The following NCAM2 variants were observed in gnomAD, a reference collection of about 807,000 sequenced individuals.
NCAM2 encodes the protein neural cell adhesion molecule 2.
Under a neutral mutation model 98.1 loss-of-function variants are expected in NCAM2, and 30 were observed. The ratio of observed to expected loss-of-function variants is 0.31; its 90% CI spans 0.23 to 0.41. The LOEUF (loss-of-function observed/expected upper bound fraction) is 0.41, where lower values mean the gene tolerates loss of function less well. Ranked by LOEUF, NCAM2 falls within the 10% of genes least tolerant of loss-of-function variation. NCAM2 has a pLI of 1.00. For missense variants in NCAM2, 867 were observed against 1,005.8 expected (o/e 0.86, Z 1.87); for synonymous variants, 368 against 342.4 (o/e 1.07, Z -0.83).
intron 1 of NCAM2, among the ~76,000 whole-genome samples, chr21:21,252,211 C>T (rs931299028): frequency 2.6e-5 from 4 of 151,770 alleles, no homozygotes; most frequent in Admixed American, 6.6e-5. Context: ...TAGATGCTGG[C>T]GAGGCTGTGG....
rs182600215 is a variant in NCAM2 at position 21,436,539 on chromosome 21, C to A, written c.1654+4258C>A. Among the ~76,000 whole-genome samples, 4 of 151,944 alleles carry A rather than the reference C, an allele frequency of 2.6e-5. No homozygotes were observed. The East Asian group carries it at 7.7e-4, about 29-fold the overall frequency. ...ATGGTACTTCTCTTACATTATAACT[C>A]TGAAGGATTTTTTCTCCTAGTTTAT... is the stretch of plus-strand genomic sequence containing the variant. On this transcript the variant is annotated intron_variant, in intron 12 of 17. Coordinates refer to ENST00000400546, the MANE Select transcript of NCAM2 (RefSeq NM_004540.5).
chr21:21,277,766 TGCA>T (rs1328633756), intron 1 of NCAM2, among the ~76,000 whole-genome samples: 1 of 152,058 alleles, frequency 6.6e-6, no homozygotes, highest in African/African-American at 2.4e-5. Flanking sequence ...AATATATGCA[TGCA>T]GTAGTCTGAC....
intron 1 of NCAM2, among the ~76,000 whole-genome samples, chr21:21,090,175 G>A (rs913729291): frequency 4.6e-5 from 7 of 152,106 alleles, no homozygotes; most frequent in African/African-American, 1.7e-4. Flanking sequence ...TCCTAGTAAT[G>A]TGTGTGCACA....
At chr21:21,429,737 A>G (rs2077288712) in intron 11 of NCAM2, among the ~76,000 whole-genome samples, 2 of 152,226 alleles carry the variant, frequency 1.3e-5, no homozygotes, top group South Asian at 4.1e-4. Context: ...TGATTTTAAT[A>G]GTTCTAAGAC....
chr21:21,530,596 T>C (rs1284301125), intron 16 of NCAM2, among the ~76,000 whole-genome samples: 1 of 151,380 alleles, frequency 6.6e-6, no homozygotes, highest in Non-Finnish European at 1.5e-5. Flanking sequence ...ACTACATATA[T>C]ACATATATAA....
chr21:21,410,390 A>G lies in NCAM2; in HGVS notation c.1312A>G (p.Lys438Glu), dbSNP rs752497299. 1.2e-5 allele frequency: 20 copies of G among 1,601,958 alleles called. No homozygotes were observed. In the East Asian group the frequency reaches 4.3e-4, roughly 34 times the overall value. ...PPASIHWRRD[K>E]LVLPAKNTTN... is the part of the protein sequence containing the mutation. ...AGCATCAATTCACTGGAGAAGAGAT[A>G]AATTAGTCTTACCTGCTAAAAACAC... The change falls in exon 10 of 18, where the codon AAA becomes GAA. Residue 438 changes from lysine (K) to glutamate (E), a missense_variant. Around this residue, in one of 5 missense-constraint regions of NCAM2, gnomAD observed 56 missense variants for 39.6 expected, o/e 1.41. Transcript: ENST00000400546.
intron 1 of NCAM2, among the ~76,000 whole-genome samples, chr21:21,110,182 C>T (rs1192143002): frequency 6.6e-6 from 1 of 152,180 alleles, no homozygotes; most frequent in South Asian, 2.1e-4. Flanking sequence ...GAAAAAAATA[C>T]GTTCTACCCA....
At chr21:21,235,889 A>G (rs1342702136) in intron 1 of NCAM2, among the ~76,000 whole-genome samples, 1 of 152,034 alleles carries the variant, frequency 6.6e-6, no homozygotes, top group Non-Finnish European at 1.5e-5. Context: ...TATTGTCACT[A>G]TTACTTACTG....
At chr21:21,422,620 A>T (rs1243863217) in intron 11 of NCAM2, among the ~76,000 whole-genome samples, 1 of 152,160 alleles carries the variant, frequency 6.6e-6, no homozygotes, top group East Asian at 1.9e-4. Flanking sequence ...GGGGGGAAAA[A>T]GTAATCTTTC....
In NCAM2 at chr21:21,540,249, T is replaced by C. The variant is rs1222502776; in HGVS notation, c.*2292T>C. ...TTTTCCTTGTAAAGAAATTGACATATATTTCATATATATATACACATATAT... is the reference window on the plus strand; with the variant it reads ...TTTTCCTTGTAAAGAAATTGACATACATTTCATATATATATACACATATAT... On this transcript the variant is annotated 3_prime_UTR_variant, in exon 18 of 18. Transcript: ENST00000400546. 3 of 147,458 alleles carry C rather than the reference T, an allele frequency of 2.0e-5. No individual in the cohort carries two copies. The highest frequency in any genetic ancestry group is 4.5e-5 in the Non-Finnish European group (3 of 67,228). The allele number at this position is 147,458 out of a possible 1,614,324, so 9.1% of individuals were successfully genotyped here.
At chr21:21,062,571 T>G (rs552712007) in intron 1 of NCAM2, among the ~76,000 whole-genome samples, 2 of 152,180 alleles carry the variant, frequency 1.3e-5, no homozygotes, top group African/African-American at 4.8e-5. Context: ...GCTACCGATA[T>G]CTTGATCTCA....
chr21:21,273,463 A>G (rs1306234723), intron 1 of NCAM2, among the ~76,000 whole-genome samples: 1 of 152,174 alleles, frequency 6.6e-6, no homozygotes, highest in South Asian at 2.1e-4. Context: ...TGAGCAAACT[A>G]TAAATATGGA....
At chr21:21,154,399 A>G (rs145356342) in intron 1 of NCAM2, among the ~76,000 whole-genome samples, 354 of 151,996 alleles carry the variant, frequency 2.3e-3, no homozygotes, top group African/African-American at 7.9e-3. Context: ...AGTATATGCT[A>G]TTAAAGAAGG....
At chr21:21,081,319 T>A (rs1446975302) in intron 1 of NCAM2, among the ~76,000 whole-genome samples, 4 of 152,114 alleles carry the variant, frequency 2.6e-5, no homozygotes, top group African/African-American at 9.7e-5. Flanking sequence ...GTGTTTTCTA[T>A]CTATTGGGAG....
chr21:21,019,728 G>A (rs2064388823), intron 1 of NCAM2, among the ~76,000 whole-genome samples: 1 of 152,132 alleles, frequency 6.6e-6, no homozygotes, highest in South Asian at 2.1e-4. Flanking sequence ...ATGTCAGAAT[G>A]TTTATCTTGA....
chr21:21,276,557 A>T (rs926873479), intron 1 of NCAM2, among the ~76,000 whole-genome samples: 2 of 152,014 alleles, frequency 1.3e-5, no homozygotes, highest in Admixed American at 1.3e-4. Context: ...TAAATTTTTG[A>T]CATTAGGAAA....
At chr21:21,309,131 G>C (rs537659546) in intron 5 of NCAM2, among the ~76,000 whole-genome samples, 9 of 152,198 alleles carry the variant, frequency 5.9e-5, no homozygotes, top group South Asian at 4.1e-4. Flanking sequence ...TAATGTTATT[G>C]TGTACTATCA....
chr21:21,356,130 T>C (rs1170955073), intron 8 of NCAM2, among the ~76,000 whole-genome samples: 1 of 152,190 alleles, frequency 6.6e-6, no homozygotes, highest in Non-Finnish European at 1.5e-5. Context: ...CTCTCAGGAA[T>C]AAAGATAGGC....
chr21:21,019,075 G>A (rs1246302343), intron 1 of NCAM2, among the ~76,000 whole-genome samples: 1 of 152,194 alleles, frequency 6.6e-6, no homozygotes, highest in East Asian at 1.9e-4. Flanking sequence ...TGACTGCTTA[G>A]TGCTGGGGTG....
Sources: allele counts gnomAD v4.1 joint callset (sites outside exome capture counted in the v4.1 genomes callset), GRCh38; gene constraint gnomAD v4.1.1; regional missense constraint gnomAD v4.1.1; transcripts MANE v1.5; gene names NCBI Gene and HGNC (gene_info 2026-07-23, HGNC 2026-07-21).